Variants in PLPP4 observed in about 807,000 individuals in gnomAD.
PLPP4 encodes diacylglycerol pyrophosphate like 2.
PLPP4 carries 20 observed loss-of-function variants against 32.2 expected under a neutral mutation model. That is an observed-to-expected ratio of 0.62 (90% CI 0.44 to 0.90). PLPP4 has a LOEUF of 0.90. Ranked by LOEUF, PLPP4 falls within the 40% of genes least tolerant of loss-of-function variation. The pLI is 0.00. For missense variants in PLPP4, 257 were observed against 353.1 expected (o/e 0.73, Z 2.18); for synonymous variants, 127 against 133.0 (o/e 0.95, Z 0.31).
chr10:120,488,637 TTTGATCTCTAG>T (rs1844569717), intron 1 of PLPP4, among the ~76,000 whole-genome samples: 1 of 152,208 alleles, frequency 6.6e-6, no homozygotes, highest in Non-Finnish European at 1.5e-5. Flanking sequence ...AGTTAGCTCT[TTTGATCTCTAG>T]TCCAACATGC....
chr10:120,588,697 C>T (rs935584730), intron 6 of PLPP4, among the ~76,000 whole-genome samples: 26 of 152,102 alleles, frequency 1.7e-4, no homozygotes, highest in Admixed American at 4.6e-4. Context: ...GAATTGATTT[C>T]AAAAATCAGA....
chr10:120,477,368 A>T (rs1358471091), intron 1 of PLPP4, among the ~76,000 whole-genome samples: 10 of 125,328 alleles, frequency 8.0e-5, no homozygotes, highest in African/African-American at 3.6e-4. Flanking sequence ...TTTCAAGTTA[A>T]AAAAAAAAAA....
intron 6 of PLPP4, chr10:120,581,206 C>T: frequency 1.0e-6 from 1 of 985,414 alleles, no homozygotes; most frequent in South Asian, 4.7e-5. Flanking sequence ...TTGATTGCTC[C>T]CAAGTCTCAC....
rs145773776 is a variant in PLPP4, at chr10:120,589,144, A to G, written c.617-159A>G. 6.3e-4 allele frequency among the ~76,000 whole-genome samples: 96 copies of G among 152,356 alleles called. No individual in the cohort carries two copies. The Middle Eastern group carries it at 0.017, about 27-fold the overall frequency. Reference sequence around the variant, plus strand: ...AGTACCAGAAATGCTGGCAGTTTGCAGAGGCCACCACTGTGGTTTCTTTCC... The same window carrying G: ...AGTACCAGAAATGCTGGCAGTTTGCGGAGGCCACCACTGTGGTTTCTTTCC... On this transcript the variant is annotated intron_variant, in intron 6 of 6. Transcript: ENST00000398250.
chr10:120,503,652 C>T (rs780637433), intron 1 of PLPP4, 166 bp from the exon 2 acceptor site: 4 of 1,599,840 alleles, frequency 2.5e-6, no homozygotes, highest in East Asian at 4.5e-5. Flanking sequence ...TTCAGTCCTT[C>T]CCAAGCCTTT....
At chr10:120,561,826 C>T (rs984055450) in intron 5 of PLPP4, among the ~76,000 whole-genome samples, 4 of 152,174 alleles carry the variant, frequency 2.6e-5, no homozygotes, top group Non-Finnish European at 5.9e-5. Context: ...ATTTACATTT[C>T]ATTGGCAGAG....
intron 6 of PLPP4, among the ~76,000 whole-genome samples, chr10:120,588,497 T>C (rs1027637623): frequency 6.6e-6 from 1 of 152,220 alleles, no homozygotes; most frequent in African/African-American, 2.4e-5. Context: ...TGTCTGTGAC[T>C]CAGAAGGTTC....
intron 5 of PLPP4, among the ~76,000 whole-genome samples, chr10:120,527,006 T>A (rs1589820943): frequency 6.6e-6 from 1 of 152,170 alleles, no homozygotes; most frequent in African/African-American, 2.4e-5. Context: ...GTTCAGGTGC[T>A]CCGAGATGGA....
chr10:120,521,317 A>T (rs1242555457), intron 5 of PLPP4, among the ~76,000 whole-genome samples: 2 of 152,174 alleles, frequency 1.3e-5, no homozygotes, highest in Non-Finnish European at 2.9e-5. Flanking sequence ...TGTTGCTTTC[A>T]TGAGCTTGGC....
intron 5 of PLPP4, among the ~76,000 whole-genome samples, chr10:120,551,510 A>G (rs1847903917): frequency 6.6e-6 from 1 of 152,256 alleles, no homozygotes; most frequent in South Asian, 2.1e-4. Flanking sequence ...TAGCAATTAA[A>G]AGGAACAAAC....
intron 1 of PLPP4, among the ~76,000 whole-genome samples, chr10:120,500,297 T>A (rs1308403995): frequency 6.6e-6 from 1 of 152,154 alleles, no homozygotes; most frequent in Non-Finnish European, 1.5e-5. Context: ...TGGCCGGTTG[T>A]GTGAGAAGAA....
intron 5 of PLPP4, among the ~76,000 whole-genome samples, chr10:120,548,344 TC>T (rs1344479266): frequency 8.5e-5 from 13 of 152,128 alleles, no homozygotes; most frequent in African/African-American, 2.7e-4. Context: ...GTTTTCTATT[TC>T]TGCATTAGTT....
intron 5 of PLPP4, among the ~76,000 whole-genome samples, chr10:120,572,673 A>G (rs1458479979): frequency 2.6e-5 from 4 of 152,226 alleles, no homozygotes; most frequent in Non-Finnish European, 4.4e-5. Flanking sequence ...AATAAAGTCC[A>G]TTATTCCTCC....
rs757867285 is a variant in PLPP4 at position 120,575,180 on chromosome 10, G to C, written c.495G>C (p.Leu165=). 1 of 1,613,970 alleles carries C rather than the reference G, an allele frequency of 6.2e-7. No individual in the cohort carries two copies. Among genetic ancestry groups the C allele is most frequent in the Non-Finnish European group, 8.5e-7 (1 of 1,180,022 alleles). The change falls in exon 6 of 7, where the codon CTG becomes CTC. Residue 165 remains leucine, a synonymous_variant. Transcript: ENST00000398250. ...CGACGTTCTACTTGGCGGGCAAGCT[G>C]CACTGCTTCACCGAGAGTGGGCGGG... ...GFTTFYLAGK[L]HCFTESGRGK... is the part of the protein sequence containing the mutation.
chr10:120,464,397 A>G (rs1052559245), intron 1 of PLPP4, among the ~76,000 whole-genome samples: 10 of 152,228 alleles, frequency 6.6e-5, no homozygotes, highest in South Asian at 4.1e-4. Context: ...TACACTAAAG[A>G]GAAACACCAT....
rs550890696 is a variant in PLPP4 at position 120,526,377 on chromosome 10, T to C, written c.445+5282T>C. Among the ~76,000 whole-genome samples, 26 of 152,290 alleles carry C rather than the reference T, an allele frequency of 1.7e-4. No individual in the cohort carries two copies. The East Asian group carries it at 4.8e-3, about 28-fold the overall frequency. ...GTGATTTAAGGTTGAGTCATAAAGC[T>C]AATTGGGCAGGGCTTGTTAATTGGG... On this transcript the variant is annotated intron_variant, in intron 5 of 6. Transcript: ENST00000398250.
chr10:120,463,983 ATT>A (rs1415525895), intron 1 of PLPP4, among the ~76,000 whole-genome samples: 4 of 152,004 alleles, frequency 2.6e-5, no homozygotes, highest in African/African-American at 7.2e-5. Context: ...CAGCTATTTT[ATT>A]TTTTGAAGAG....
At position 120,580,547 on chromosome 10, in the gene PLPP4, A is replaced by AT. The variant is rs1198172278; in HGVS notation, c.616+5246_616+5247insT. On this transcript the variant is annotated intron_variant, in intron 6 of 6. Coordinates refer to ENST00000398250, the MANE Select transcript of PLPP4 (RefSeq NM_001030059.3). ...TTAAAGATAAACAGGGAGGGGTGTAAATCCAGCTATGTCATGTAAGCCTTA... is the reference window on the plus strand; with the variant it reads ...TTAAAGATAAACAGGGAGGGGTGTAATATCCAGCTATGTCATGTAAGCCTTA... Among the ~76,000 whole-genome samples, 5 of 151,732 alleles carry AT rather than the reference A, an allele frequency of 3.3e-5. No individual in the cohort carries two copies. The East Asian group carries it at 9.7e-4, about 29-fold the overall frequency.
intron 5 of PLPP4, among the ~76,000 whole-genome samples, chr10:120,564,573 T>A (rs1848600507): frequency 1.3e-5 from 2 of 151,948 alleles, no homozygotes; most frequent in African/African-American, 4.8e-5. Flanking sequence ...TGAATTAAAA[T>A]TTTCCACTAT....
Sources: gnomAD v4.1 joint callset for allele counts (sites outside exome capture counted in the v4.1 genomes callset) on GRCh38, gnomAD v4.1.1 for gene constraint, MANE v1.5 for transcripts, NCBI Gene and HGNC (gene_info 2026-07-23, HGNC 2026-07-21) for gene names.